EFR3A: variants seen among roughly 807,000 people sequenced by gnomAD.
EFR3A encodes EFR3 homolog A, also known as protein EFR3 homolog A.
In EFR3A, 76 loss-of-function variants were observed where a neutral mutation model predicts 104.4. That is an observed-to-expected ratio of 0.73 (90% confidence interval 0.60 to 0.88). EFR3A has a LOEUF of 0.88. EFR3A is among the 40% of genes least tolerant of loss of function. EFR3A has a pLI of 0.00. For synonymous variants in EFR3A, 330 were observed against 330.0 expected, an observed-to-expected ratio of 1.00 and a Z score of 0.00; for missense variants, 985 against 1,012.5, an observed-to-expected ratio of 0.97 and a Z score of 0.37.
chr8:131,981,579 ACCTT>A (rs1820613796), intron 14 of EFR3A, among the ~76,000 whole-genome samples: 1 of 152,036 alleles, frequency 6.6e-6, no homozygotes, highest in East Asian at 1.9e-4. Flanking sequence ...TTCATATGAA[ACCTT>A]AACTAGCAAC....
At chr8:132,008,389 G>A (rs1254133909) in intron 22 of EFR3A, among the ~76,000 whole-genome samples, 2 of 152,024 alleles carry the variant, frequency 1.3e-5, no homozygotes, top group African/African-American at 4.8e-5. Flanking sequence ...TTCACAGAAA[G>A]ATATATGTGA....
chr8:131,917,402 T>A (rs1816792946), intron 1 of EFR3A, among the ~76,000 whole-genome samples: 1 of 152,028 alleles, frequency 6.6e-6, no homozygotes, highest in South Asian at 2.1e-4. Context: ...ATAGAAATAT[T>A]GTTCAGCCTG....
At chr8:131,955,404 A>G (rs557100459) in intron 6 of EFR3A, among the ~76,000 whole-genome samples, 3 of 152,174 alleles carry the variant, frequency 2.0e-5, no homozygotes, top group Admixed American at 2.0e-4. Flanking sequence ...ATTTTTGCCC[A>G]TTTACAGTTA....
chr8:131,926,142 A>C (rs1228318769), intron 1 of EFR3A, among the ~76,000 whole-genome samples: 1 of 152,156 alleles, frequency 6.6e-6, no homozygotes, highest in Non-Finnish European at 1.5e-5. Flanking sequence ...CATGTTATAA[A>C]AATTATAAAC....
intron 1 of EFR3A, among the ~76,000 whole-genome samples, chr8:131,936,214 A>G (rs983318800): frequency 2.6e-5 from 4 of 152,130 alleles, no homozygotes; most frequent in African/African-American, 9.7e-5. Context: ...TGCTGAATCT[A>G]TATGAGAATG....
intron 22 of EFR3A, among the ~76,000 whole-genome samples, chr8:132,005,639 C>T (rs772630256): frequency 2.6e-5 from 4 of 152,060 alleles, no homozygotes; most frequent in African/African-American, 9.7e-5. Flanking sequence ...CTTATTCTCA[C>T]GATCGTCTCC....
chr8:131,996,596 C>CT, intron 19 of EFR3A, 99 bp downstream of exon 19: 3 of 596,752 alleles, frequency 5.0e-6, no homozygotes, highest in South Asian at 2.3e-5. Flanking sequence ...AAATACAACT[C>CT]TAAATTATCC....
chr8:131,958,730 A>G (rs1586603576), intron 7 of EFR3A, among the ~76,000 whole-genome samples: 1 of 152,168 alleles, frequency 6.6e-6, no homozygotes, highest in Admixed American at 6.5e-5. Context: ...ATGAACTTGA[A>G]AAACTCATTC....
intron 18 of EFR3A, among the ~76,000 whole-genome samples, chr8:131,988,890 A>G (rs1233960411): frequency 6.6e-6 from 1 of 152,034 alleles, no homozygotes; most frequent in Admixed American, 6.6e-5. Flanking sequence ...TCTTCCTTAT[A>G]GCCCTAGTTT....
chr8:131,984,992 G>C lies in EFR3A; in HGVS notation c.1801G>C (p.Val601Leu). ...CCATCGTTGTGGAATCATGGCACTG[G>C]TTGCAGCATACCTCAACTTTGTAAG... The part of the protein sequence containing the change: ...MFHRCGIMAL[V>L]AAYLNFVSQM... The change falls in exon 16 of 23, where the codon GTT becomes CTT. Residue 601 changes from valine to leucine, a missense_variant. By Grantham distance (32) the Val-to-Leu change is conservative (BLOSUM62 1). Coordinates refer to ENST00000254624, the MANE Select transcript of EFR3A (RefSeq NM_015137.6). The C allele has an allele frequency of 6.2e-7, 1 of 1,613,600 alleles. No individual in the cohort carries two copies. The highest frequency in any genetic ancestry group is 8.5e-7 in the Non-Finnish European group (1 of 1,179,630).
intron 1 of EFR3A, among the ~76,000 whole-genome samples, chr8:131,936,697 C>A (rs1209086242): frequency 6.6e-6 from 1 of 152,110 alleles, no homozygotes; most frequent in East Asian, 1.9e-4. Flanking sequence ...ACTTTACTTA[C>A]ATTTACCAGT....
chr8:131,921,288 C>T (rs988902943), intron 1 of EFR3A, among the ~76,000 whole-genome samples: 1 of 152,032 alleles, frequency 6.6e-6, no homozygotes, highest in Non-Finnish European at 1.5e-5. Flanking sequence ...TTTATATAGC[C>T]ATCTATCTGG....
At chr8:131,976,209 A>T in intron 11 of EFR3A, 68 bp downstream of exon 11, 1 of 1,039,670 alleles carries the variant, frequency 9.6e-7, no homozygotes, top group East Asian at 2.6e-5. Flanking sequence ...AATCTAGAAA[A>T]TGTTAACGTT....
At chr8:131,928,420 C>T (rs566615247) in intron 1 of EFR3A, among the ~76,000 whole-genome samples, 1 of 152,178 alleles carries the variant, frequency 6.6e-6, no homozygotes, top group South Asian at 2.1e-4. Flanking sequence ...ATTATTTTAT[C>T]CTACAGCATT....
chr8:131,935,896 A>G (rs1035998061), intron 1 of EFR3A, among the ~76,000 whole-genome samples: 1 of 151,674 alleles, frequency 6.6e-6, no homozygotes, highest in African/African-American at 2.4e-5. Flanking sequence ...AAGTCCCCAA[A>G]TTTATAGAGT....
chr8:131,936,884 C>T (rs1485144487), intron 1 of EFR3A, among the ~76,000 whole-genome samples: 3 of 152,042 alleles, frequency 2.0e-5, no homozygotes, highest in Admixed American at 1.3e-4. Flanking sequence ...CAGTCCTTTT[C>T]GGTTTTTTTA....
rs1818617817 is a variant in EFR3A at position 131,949,976 on chromosome 8, A to C, written c.374A>C (p.Lys125Thr). 2 of 1,591,420 alleles carry C rather than the reference A, an allele frequency of 1.3e-6. No homozygotes were observed. Among genetic ancestry groups the C allele is most frequent in the Non-Finnish European group, 1.7e-6 (2 of 1,171,744 alleles). The change falls in exon 5 of 23, where the codon AAA (lysine) becomes ACA (threonine). Residue 125 changes from lysine (K) to threonine (T), a missense_variant. Physicochemically the swap from Lys to Thr is moderately conservative, Grantham distance 78. Coordinates refer to ENST00000254624, the MANE Select transcript of EFR3A (RefSeq NM_015137.6). ...ATTATTTGTGTTTTTTAGTTTGTCAAATTTGCAAATATTGAAGAAGACACA... is the reference window on the plus strand; with the variant it reads ...ATTATTTGTGTTTTTTAGTTTGTCACATTTGCAAATATTGAAGAAGACACA... ...LQVLGTNSFV[K>T]FANIEEDTPS...
Position 131,987,514 on chromosome 8 carries a change from G to A in EFR3A, c.1938-61G>A, listed in dbSNP as rs1820946095. 9.9e-6 allele frequency: 15 copies of A among 1,509,280 alleles called. No homozygotes were observed. The South Asian group carries it at 1.3e-4, about 13-fold the overall frequency. 93.5% of individuals were successfully genotyped at this position (1,509,280 alleles called of 1,614,324 possible). A position where few individuals can be genotyped will look rare whatever the true frequency, so the allele number is the denominator to read the frequency against. On this transcript the variant is annotated intron_variant, in intron 17 of 22. Transcript: ENST00000254624. Reference sequence around the variant, plus strand: ...CTTTTGCTCTGGAATGTTTTGCATAGTAACTTATTTTTGCTCAGTAATTTA... The same window carrying A: ...CTTTTGCTCTGGAATGTTTTGCATAATAACTTATTTTTGCTCAGTAATTTA...
intron 8 of EFR3A, among the ~76,000 whole-genome samples, chr8:131,964,028 A>G (rs1346904425): frequency 6.6e-6 from 1 of 152,242 alleles, no homozygotes; most frequent in African/African-American, 2.4e-5. Context: ...ACAACGCTTC[A>G]TGCTAAAAAC....
Sources: gnomAD v4.1 joint callset for allele counts (sites outside exome capture counted in the v4.1 genomes callset) on GRCh38, gnomAD v4.1.1 for gene constraint, MANE v1.5 for transcripts, NCBI Gene and HGNC (gene_info 2026-07-23, HGNC 2026-07-21) for gene names.